The following TNFRSF13B variants were observed in gnomAD, a reference collection of about 807,000 sequenced individuals.
The protein encoded by TNFRSF13B is TNF receptor superfamily member 13B, also known as tumor necrosis factor receptor superfamily member 13B.
TNFRSF13B carries 34 observed loss-of-function variants against 24.0 expected under a neutral mutation model. The ratio of observed to expected loss-of-function variants is 1.41; its 90% CI spans 1.08 to 1.88. TNFRSF13B has a LOEUF of 1.88. Ranked by LOEUF, TNFRSF13B falls within the 40% of genes most tolerant of loss-of-function variation. TNFRSF13B has a pLI of 0.00. For missense variants in TNFRSF13B, 415 were observed against 380.8 expected, an observed-to-expected ratio of 1.09 and a Z score of -0.75; for synonymous variants, 173 against 150.3, an observed-to-expected ratio of 1.15 and a Z score of -1.10.
chr17:16,970,555 G>T (rs935611052), intron 1 of TNFRSF13B, among the ~76,000 whole-genome samples: 3 of 152,274 alleles, frequency 2.0e-5, no homozygotes, highest in Non-Finnish European at 2.9e-5. Context: ...CCAAGAGGGG[G>T]TCTGGTAGTT....
At chr17:16,963,068 T>C (rs72637384) in intron 1 of TNFRSF13B, among the ~76,000 whole-genome samples, 3,452 of 152,290 alleles carry the variant, frequency 0.023, 189 homozygotes, top group East Asian at 0.22. Flanking sequence ...ATGGGGCTGG[T>C]ACTCCTTGCT....
At chr17:16,946,260 T>A (rs964726022) in intron 3 of TNFRSF13B, among the ~76,000 whole-genome samples, 1 of 152,158 alleles carries the variant, frequency 6.6e-6, no homozygotes, top group Non-Finnish European at 1.5e-5. Flanking sequence ...AATGATGTTA[T>A]CACAGGAAAG....
intron 1 of TNFRSF13B, among the ~76,000 whole-genome samples, chr17:16,964,337 CTTTT>C (rs71355533): frequency 3.8e-5 from 3 of 79,786 alleles, no homozygotes; most frequent in Admixed American, 1.5e-4. Flanking sequence ...ATCTCCATGC[CTTTT>C]TTTTTTTTTT....
intron 2 of TNFRSF13B, among the ~76,000 whole-genome samples, chr17:16,951,888 C>CA (rs1256132802): frequency 1.7e-4 from 20 of 117,206 alleles, no homozygotes; most frequent in African/African-American, 5.3e-4. Context: ...AACTTCATCT[C>CA]AAAAAATAAA....
intron 2 of TNFRSF13B, among the ~76,000 whole-genome samples, chr17:16,950,086 G>T: frequency 6.6e-6 from 1 of 152,054 alleles, no homozygotes; most frequent in South Asian, 2.1e-4. Context: ...TCCTGACTTC[G>T]TAAATATGAA....
chr17:16,948,785 G>C lies in TNFRSF13B; in HGVS notation c.398C>G (p.Ser133Trp), dbSNP rs761449168. 3 of 1,614,150 alleles carry C rather than the reference G, an allele frequency of 1.9e-6. No individual in the cohort carries two copies. Among genetic ancestry groups the C allele is most frequent in the Admixed American group, 1.7e-5 (1 of 60,020 alleles). ...SGEVENNSDNSGRYQGLEHRG... is the reference protein window; with the variant it reads ...SGEVENNSDNWGRYQGLEHRG... ...GTGCTCCAATCCTTGGTACCTTCCCGAGTTGTCTGAATTGTTTTCAACTTC... is the reference window on the plus strand; with the variant it reads ...GTGCTCCAATCCTTGGTACCTTCCCCAGTTGTCTGAATTGTTTTCAACTTC... The change falls in exon 3 of 5, where the codon TCG (serine) becomes TGG (tryptophan). Residue 133 changes from serine to tryptophan, a missense_variant. Coordinates refer to ENST00000261652, the MANE Select transcript of TNFRSF13B (RefSeq NM_012452.3).
chr17:16,945,579 A>G (rs1224138985), intron 3 of TNFRSF13B, among the ~76,000 whole-genome samples: 1 of 152,206 alleles, frequency 6.6e-6, no homozygotes, highest in African/African-American at 2.4e-5. Flanking sequence ...GAGGTGGGCA[A>G]TGTTCCAGGT....
At chr17:16,948,284 G>A (rs758697330) in intron 3 of TNFRSF13B, among the ~76,000 whole-genome samples, 1 of 152,054 alleles carries the variant, frequency 6.6e-6, no homozygotes, top group Non-Finnish European at 1.5e-5. Context: ...TCAAACCTTA[G>A]CATCAAGCAA....
intron 3 of TNFRSF13B, among the ~76,000 whole-genome samples, chr17:16,943,175 C>T (rs952515685): frequency 6.6e-6 from 1 of 152,202 alleles, no homozygotes; most frequent in Admixed American, 6.5e-5. Context: ...CCTGCCTCCC[C>T]ACAGAGCCAC....
intron 3 of TNFRSF13B, among the ~76,000 whole-genome samples, chr17:16,945,179 G>T (rs929413755): frequency 6.6e-6 from 1 of 152,194 alleles, no homozygotes; most frequent in African/African-American, 2.4e-5. Flanking sequence ...GGTGAGGCAT[G>T]GTAATGCCGA....
chr17:16,971,385 A>C (rs9905202), intron 1 of TNFRSF13B, among the ~76,000 whole-genome samples: 9 of 37,512 alleles, frequency 2.4e-4, no homozygotes, highest in African/African-American at 1.2e-3. Context: ...CAAAACAAAA[A>C]AAAAGAAAGC....
rs1235163490 is a variant in TNFRSF13B at position 16,969,512 on chromosome 17, CAG to C, written c.61+2501_61+2502del. 2.0e-5 allele frequency among the ~76,000 whole-genome samples: 3 copies of C among 152,194 alleles called. No homozygotes were observed. The East Asian group carries it at 5.8e-4, about 29-fold the overall frequency. ...TCCAAAACAGGCAAATCTATAGAGACAGAGAGTAGATTAGCCTGGGGCTAGGG... is the reference window on the plus strand; with the variant it reads ...TCCAAAACAGGCAAATCTATAGAGACAGAGTAGATTAGCCTGGGGCTAGGG... On this transcript the variant is annotated intron_variant, in intron 1 of 4. Coordinates refer to ENST00000261652, the MANE Select transcript of TNFRSF13B (RefSeq NM_012452.3).
chr17:16,953,856 A>G (rs971198452), intron 1 of TNFRSF13B, among the ~76,000 whole-genome samples: 6 of 151,562 alleles, frequency 4.0e-5, no homozygotes, highest in Admixed American at 3.9e-4. Flanking sequence ...AGCAACCTCC[A>G]CCTCCCGGGT....
At chr17:16,969,717 T>C (rs924718489) in intron 1 of TNFRSF13B, among the ~76,000 whole-genome samples, 2 of 151,880 alleles carry the variant, frequency 1.3e-5, no homozygotes, top group African/African-American at 2.4e-5. Flanking sequence ...CTAGGGGAGG[T>C]GGGAACTGGG....
intron 1 of TNFRSF13B, among the ~76,000 whole-genome samples, chr17:16,954,111 G>A (rs8078529): frequency 0.49 from 73,936 of 152,118 alleles, 19,217 homozygotes; most frequent in Non-Finnish European, 0.58. Flanking sequence ...AAGACCAGAG[G>A]TGGCTGGGCA....
At chr17:16,951,156 C>T (rs1197021571) in intron 2 of TNFRSF13B, among the ~76,000 whole-genome samples, 1 of 152,182 alleles carries the variant, frequency 6.6e-6, no homozygotes, top group Non-Finnish European at 1.5e-5. Flanking sequence ...TGGGTTCAAA[C>T]CAGGATGTCG....
chr17:16,948,590 A>T, intron 3 of TNFRSF13B, 148 bp downstream of exon 3: 4 of 1,160,844 alleles, frequency 3.4e-6, no homozygotes, highest in Admixed American at 4.0e-5. Context: ...TGTTTTTTTT[A>T]TCCTGGGATG....
intron 1 of TNFRSF13B, among the ~76,000 whole-genome samples, chr17:16,953,507 G>A (rs1329520713): frequency 1.3e-5 from 2 of 152,132 alleles, no homozygotes; most frequent in Non-Finnish European, 2.9e-5. Flanking sequence ...CAATGCCCAT[G>A]CCTAGAGGGA....
Position 16,939,483 on chromosome 17 carries a change from CCTCTCTTT to C in TNFRSF13B, c.*56_*63del, listed in dbSNP as rs888334849. 11 of 1,539,300 alleles carry C rather than the reference CCTCTCTTT, an allele frequency of 7.1e-6. No individual in the cohort carries two copies. Among genetic ancestry groups the C allele is most frequent in the Non-Finnish European group, 9.7e-6 (11 of 1,135,872 alleles). On this transcript the variant is annotated 3_prime_UTR_variant, in exon 5 of 5. Coordinates refer to ENST00000261652, the MANE Select transcript of TNFRSF13B (RefSeq NM_012452.3). The stretch of plus-strand genomic sequence containing the variant: ...CTCATATCTCTCTCCCCTCTCCCCA[CCTCTCTTT>C]CTCTCTCCCCTCCTCTCCATCTCTC...
Sources: allele counts gnomAD v4.1 joint callset (sites outside exome capture counted in the v4.1 genomes callset), GRCh38; gene constraint gnomAD v4.1.1; transcripts MANE v1.5; gene names NCBI Gene and HGNC (gene_info 2026-07-23, HGNC 2026-07-21).